The following CARS2 variants were observed in gnomAD, a reference collection of about 807,000 sequenced individuals.
CARS2 encodes the protein probable cysteine--tRNA ligase, mitochondrial.
A neutral mutation model predicts 68.8 loss-of-function variants in CARS2; 52 were observed. That is an observed-to-expected ratio of 0.76 (90% CI 0.61 to 0.95). CARS2 has a LOEUF of 0.95. CARS2 is among the 40% of genes least tolerant of loss of function. The pLI, the probability that CARS2 is intolerant of heterozygous loss-of-function variation, is 0.00. For synonymous variants in CARS2, 314 were observed against 303.6 expected (o/e 1.03, Z -0.36); for missense variants, 780 against 754.2 (o/e 1.03, Z -0.40).
chr13:110,683,582 G>A, intron 5 of CARS2, among the ~76,000 whole-genome samples: 1 of 152,224 alleles, frequency 6.6e-6, no homozygotes, highest in Non-Finnish European at 1.5e-5. Context: ...TGTTATCACT[G>A]ACCTTCATTT....
intron 4 of CARS2, 35 bp from the exon 5 acceptor site, chr13:110,687,861 C>T (rs201995708): frequency 1.2e-4 from 185 of 1,567,540 alleles, no homozygotes; most frequent in Non-Finnish European, 1.5e-4. Context: ...GTGTTTCCCT[C>T]GTGAGAAGCA....
intron 6 of CARS2, among the ~76,000 whole-genome samples, chr13:110,682,444 T>C (rs2063184386): frequency 6.6e-6 from 1 of 152,164 alleles, no homozygotes; most frequent in Admixed American, 6.5e-5. Context: ...ATTGGCACAG[T>C]TTATGGCGCA....
intron 3 of CARS2, among the ~76,000 whole-genome samples, chr13:110,699,216 G>A (rs2063713311): frequency 6.6e-6 from 1 of 152,196 alleles, no homozygotes; most frequent in Admixed American, 6.5e-5. Context: ...TACCCAACCT[G>A]TGGTGTTCTG....
Position 110,666,408 on chromosome 13 carries a change from A to G in CARS2, c.919+932T>C, listed in dbSNP as rs540857449. The G allele has an allele frequency of 4.1e-6, 4 of 985,406 alleles. No homozygotes were observed. In the South Asian group the frequency reaches 1.9e-4, roughly 46 times the overall value. The allele number at this position is 985,406 out of a possible 1,614,324, so 61.0% of individuals were successfully genotyped here. A position where few individuals can be genotyped will look rare whatever the true frequency, so the allele number is the denominator to read the frequency against. ...ACGCAGCCAGCTTTGTTTCTGCTTCATTTTTAGACAAAAACTGGGGCACTG... is the reference window on the plus strand; with the variant it reads ...ACGCAGCCAGCTTTGTTTCTGCTTCGTTTTTAGACAAAAACTGGGGCACTG... On this transcript the variant is annotated intron_variant, in intron 8 of 14. Transcript: ENST00000257347.
chr13:110,693,453 A>C (rs1023063938), intron 3 of CARS2, among the ~76,000 whole-genome samples: 3 of 151,932 alleles, frequency 2.0e-5, no homozygotes, highest in Non-Finnish European at 4.4e-5. Context: ...TCTGCCACCC[A>C]GGTTCACGCC....
chr13:110,680,664 G>A (rs2063133194), intron 6 of CARS2, among the ~76,000 whole-genome samples: 1 of 152,168 alleles, frequency 6.6e-6, no homozygotes, highest in Admixed American at 6.5e-5. Flanking sequence ...AAATGTTACA[G>A]ACACTCCAAA....
intron 7 of CARS2, among the ~76,000 whole-genome samples, chr13:110,674,631 T>TAGAAGAAAACG (rs2062894967): frequency 6.6e-6 from 1 of 152,116 alleles, no homozygotes; most frequent in Admixed American, 6.5e-5. Context: ...GCAATACCAT[T>TAGAAGAAAACG]CAGGCCATAG....
chr13:110,684,811 A>C (rs2139845889), intron 5 of CARS2, among the ~76,000 whole-genome samples: 1 of 152,192 alleles, frequency 6.6e-6, no homozygotes, highest in Non-Finnish European at 1.5e-5. Context: ...TTCCCCCTTC[A>C]CTTTGCTTTA....
intron 9 of CARS2, among the ~76,000 whole-genome samples, chr13:110,655,639 C>A (rs953520479): frequency 6.6e-6 from 1 of 152,186 alleles, no homozygotes; most frequent in South Asian, 2.1e-4. Flanking sequence ...TGAACGTGGT[C>A]GGGCAGGAGG....
intron 13 of CARS2, chr13:110,643,459 T>C (rs1427747134): frequency 6.5e-6 from 1 of 153,842 alleles, no homozygotes; most frequent in Non-Finnish European, 1.4e-5. Context: ...AAAGACACTA[T>C]AGTTCTCTGT....
At chr13:110,642,184 G>A in intron 14 of CARS2, 131 bp downstream of exon 14, 1 of 716,682 alleles carries the variant, frequency 1.4e-6, no homozygotes, top group Admixed American at 2.4e-5. Context: ...TCCAGCCTGG[G>A]TGACAAGAGT....
At chr13:110,664,227 C>A (rs1201511649) in intron 8 of CARS2, 1 of 984,584 alleles carries the variant, frequency 1.0e-6, no homozygotes, top group Non-Finnish European at 1.2e-6. Flanking sequence ...GTCCTCCAGG[C>A]CGGACGCAGT....
chr13:110,700,993 G>A (rs1224719049), intron 3 of CARS2, among the ~76,000 whole-genome samples: 2 of 152,308 alleles, frequency 1.3e-5, no homozygotes, highest in East Asian at 3.9e-4. Flanking sequence ...TCATGTCTCA[G>A]ATTACACCCA....
chr13:110,712,057 G>A (rs2064033090), intron 1 of CARS2, among the ~76,000 whole-genome samples: 1 of 152,198 alleles, frequency 6.6e-6, no homozygotes, highest in Non-Finnish European at 1.5e-5. Flanking sequence ...GTCTAAAACT[G>A]TGTACTCTGC....
At chr13:110,664,339 C>T (rs2062588987) in intron 8 of CARS2, 1 of 368,846 alleles carries the variant, frequency 2.7e-6, no homozygotes, top group Non-Finnish European at 3.7e-6. Context: ...AACACCCGGT[C>T]TCTACAAAAA....
chr13:110,647,747 A>G (rs1888343928), intron 10 of CARS2, among the ~76,000 whole-genome samples: 1 of 152,262 alleles, frequency 6.6e-6, no homozygotes, highest in African/African-American at 2.4e-5. Context: ...GGTGTTTCTT[A>G]GGCCACCTGG....
chr13:110,687,593 C>T (rs1360997552), intron 5 of CARS2, 128 bp downstream of exon 5: 4 of 608,174 alleles, frequency 6.6e-6, no homozygotes, highest in Non-Finnish European at 8.8e-6. Context: ...ACGGGAGAAT[C>T]GCTTGAACCA....
intron 7 of CARS2, among the ~76,000 whole-genome samples, chr13:110,674,431 A>T (rs2062887595): frequency 1.3e-5 from 2 of 151,252 alleles, no homozygotes; most frequent in Admixed American, 6.6e-5. Flanking sequence ...CAACCATCTG[A>T]TCTTGACAAA....
intron 3 of CARS2, chr13:110,701,231 T>A (rs1439013819): frequency 2.5e-6 from 1 of 397,216 alleles, no homozygotes; most frequent in Non-Finnish European, 4.5e-6. Flanking sequence ...ACCTGACTAA[T>A]TTTTGTATTT....
Sources: allele counts gnomAD v4.1 joint callset (sites outside exome capture counted in the v4.1 genomes callset), GRCh38; gene constraint gnomAD v4.1.1; transcripts MANE v1.5; gene names NCBI Gene and HGNC (gene_info 2026-07-23, HGNC 2026-07-21).